The following FOXP1 variants were observed in gnomAD, a reference collection of about 807,000 sequenced individuals.
FOXP1 encodes the protein forkhead box protein P1.
Under a neutral mutation model 98.2 loss-of-function variants are expected in FOXP1, and 15 were observed. The ratio of observed to expected loss-of-function variants is 0.15; its 90% CI spans 0.10 to 0.24. The LOEUF (loss-of-function observed/expected upper bound fraction) is 0.24. Ranked by LOEUF, FOXP1 falls within the 10% of genes least tolerant of loss-of-function variation. The pLI is 1.00. For missense variants in FOXP1, 633 were observed against 848.5 expected (o/e 0.75, Z 3.15); for synonymous variants, 371 against 314.5 (o/e 1.18, Z -1.90).
chr3:71,550,878 C>A (rs1004138077), intron 2 of FOXP1, among the ~76,000 whole-genome samples: 6 of 152,300 alleles, frequency 3.9e-5, no homozygotes, highest in Admixed American at 3.3e-4. Context: ...CCGAGAGGCC[C>A]CCTTCAAACA....
intron 13 of FOXP1, among the ~76,000 whole-genome samples, chr3:70,998,760 C>T (rs752288367): frequency 3.3e-5 from 5 of 152,216 alleles, no homozygotes; most frequent in African/African-American, 4.8e-5. Flanking sequence ...TTCTAGGCCA[C>T]ACCCACCAAA....
At chr3:71,005,314 T>TTAAA (rs756940858) in intron 12 of FOXP1, among the ~76,000 whole-genome samples, 3 of 25,260 alleles carry the variant, frequency 1.2e-4, no homozygotes, top group Non-Finnish European at 1.5e-4. Flanking sequence ...ATACCTGATT[T>TTAAA]AAAAAAAAAA....
intron 7 of FOXP1, among the ~76,000 whole-genome samples, chr3:71,100,037 A>G (rs1049794070): frequency 1.3e-5 from 2 of 152,226 alleles, no homozygotes; most frequent in African/African-American, 2.4e-5. Context: ...TCCCAGAGAA[A>G]AAGACCTCTC....
At chr3:71,095,585 C>G (rs192343457) in intron 7 of FOXP1, among the ~76,000 whole-genome samples, 8 of 151,310 alleles carry the variant, frequency 5.3e-5, no homozygotes, top group African/African-American at 1.9e-4. Context: ...AAAATACTGG[C>G]AGAAGAAAGC....
rs925990577 is a variant in FOXP1 at position 71,436,557 on chromosome 3, G to T, written c.-168+56869C>A. Reference sequence around the variant, plus strand: ...CCTAGTTTTAGAGTCATAAAATATGGTCCCTATTACAATTCCATGTATTTC... The same window carrying T: ...CCTAGTTTTAGAGTCATAAAATATGTTCCCTATTACAATTCCATGTATTTC... On this transcript the variant is annotated intron_variant, in intron 3 of 20. Coordinates refer to ENST00000649528, the MANE Select transcript of FOXP1 (RefSeq NM_001349338.3). 2.0e-5 allele frequency among the ~76,000 whole-genome samples: 3 copies of T among 151,882 alleles called. 1 individual carries two copies. In the South Asian group the frequency reaches 6.3e-4, roughly 32 times the overall value.
chr3:71,365,474 A>C lies in FOXP1; in HGVS notation c.-167-6230T>G, dbSNP rs73117174. On this transcript the variant is annotated intron_variant, in intron 3 of 20. Transcript: ENST00000649528. The stretch of plus-strand genomic sequence containing the variant: ...ACCAAAAAAAAAAAAAAAAAGCTGA[A>C]GCTTTTTCTCATCAATACAGTCAAG... Among the ~76,000 whole-genome samples, 237 of 152,112 alleles carry C rather than the reference A, an allele frequency of 1.6e-3. 1 individual carries two copies. The highest frequency in any genetic ancestry group is 2.8e-3 in the Non-Finnish European group (188 of 68,008).
chr3:71,278,094 G>GC (rs1461704259), intron 5 of FOXP1, among the ~76,000 whole-genome samples: 1 of 152,098 alleles, frequency 6.6e-6, no homozygotes, highest in Non-Finnish European at 1.5e-5. Flanking sequence ...TGAATGGCTG[G>GC]CCCCCTCTCT....
At chr3:71,153,517 C>T (rs988149777) in intron 6 of FOXP1, among the ~76,000 whole-genome samples, 41 of 150,340 alleles carry the variant, frequency 2.7e-4, no homozygotes, top group South Asian at 1.1e-3. Flanking sequence ...TCATCTTGAC[C>T]CCACCTAAGA....
intron 5 of FOXP1, among the ~76,000 whole-genome samples, chr3:71,229,847 A>T (rs1327240024): frequency 6.6e-6 from 1 of 152,176 alleles, no homozygotes; most frequent in Non-Finnish European, 1.5e-5. Flanking sequence ...GCTAATCTGC[A>T]CTGACAGAGG....
chr3:71,089,335 G>T (rs1002621594), intron 7 of FOXP1, among the ~76,000 whole-genome samples: 1 of 152,138 alleles, frequency 6.6e-6, no homozygotes, highest in African/African-American at 2.4e-5. Flanking sequence ...GAGGCCTCCT[G>T]CTGACAGCCA....
At chr3:70,986,504 A>AAG (rs1266347809) in intron 14 of FOXP1, among the ~76,000 whole-genome samples, 3 of 152,196 alleles carry the variant, frequency 2.0e-5, no homozygotes, top group Non-Finnish European at 4.4e-5. Context: ...CATTTCACTA[A>AAG]AGCCATCTGA....
intron 5 of FOXP1, among the ~76,000 whole-genome samples, chr3:71,297,082 A>G (rs2073373776): frequency 6.6e-6 from 1 of 152,242 alleles, no homozygotes; most frequent in Non-Finnish European, 1.5e-5. Flanking sequence ...AAACAGACGA[A>G]GACAATGTAT....
intron 3 of FOXP1, among the ~76,000 whole-genome samples, chr3:71,426,830 A>C (rs2084196557): frequency 6.6e-6 from 1 of 152,198 alleles, no homozygotes; most frequent in African/African-American, 2.4e-5. Flanking sequence ...TGGAAGGCCA[A>C]GACAGGCAGA....
rs529161403 is a variant in FOXP1 at position 71,260,432 on chromosome 3, C to T, written c.-12+39388G>A. ...TTGCCAACTATTTCACATGGTAGTG[C>T]TTTACACTTTACGATGAAGTCTGTT... On this transcript the variant is annotated intron_variant, in intron 5 of 20. Coordinates refer to ENST00000649528, the MANE Select transcript of FOXP1 (RefSeq NM_001349338.3). 3.3e-5 allele frequency among the ~76,000 whole-genome samples: 5 copies of T among 152,172 alleles called. 1 individual carries two copies. In the South Asian group the frequency reaches 1.0e-3, roughly 32 times the overall value.
chr3:71,294,661 C>T (rs1209122007), intron 5 of FOXP1, among the ~76,000 whole-genome samples: 2 of 152,148 alleles, frequency 1.3e-5, no homozygotes, highest in Non-Finnish European at 2.9e-5. Flanking sequence ...ATTGGAGCAA[C>T]TGAATCAATG....
intron 17 of FOXP1, among the ~76,000 whole-genome samples, chr3:70,976,054 T>TTCC (rs2037440172): frequency 9.5e-6 from 1 of 105,446 alleles, no homozygotes; most frequent in Non-Finnish European, 2.4e-5. Context: ...ATCTCCTTTT[T>TTCC]TTTTTTTTTT....
chr3:71,328,491 G>A (rs1259440521), intron 4 of FOXP1, among the ~76,000 whole-genome samples: 1 of 152,182 alleles, frequency 6.6e-6, no homozygotes, highest in African/African-American at 2.4e-5. Context: ...AGTGAGGGCA[G>A]CAAAGAGGGA....
chr3:71,062,117 T>C (rs1385541563), intron 7 of FOXP1, among the ~76,000 whole-genome samples: 22 of 151,962 alleles, frequency 1.4e-4, no homozygotes, highest in Non-Finnish European at 1.9e-4. Context: ...ACGGTGAGGG[T>C]TTTGTTTTTT....
intron 6 of FOXP1, among the ~76,000 whole-genome samples, chr3:71,117,696 T>C (rs774553684): frequency 4.3e-4 from 66 of 152,302 alleles, no homozygotes; most frequent in Non-Finnish European, 7.2e-4. Context: ...ATTGCTAATG[T>C]AAATAACTTA....
Sources: allele counts gnomAD v4.1 joint callset (sites outside exome capture counted in the v4.1 genomes callset), GRCh38; gene constraint gnomAD v4.1.1; transcripts MANE v1.5; gene names NCBI Gene and HGNC (gene_info 2026-07-23, HGNC 2026-07-21).